The following ZNF682 variants were observed in gnomAD, a reference collection of about 807,000 sequenced individuals.
ZNF682 encodes zinc finger protein 682.
In ZNF682, 29 loss-of-function variants were observed where a neutral mutation model predicts 36.5. The ratio of observed to expected loss-of-function variants is 0.80; its 90% CI spans 0.59 to 1.08. ZNF682 has a LOEUF of 1.08. ZNF682 is among the 50% of genes least tolerant of loss of function. ZNF682 has a pLI of 0.00. For synonymous variants in ZNF682, 180 were observed against 197.0 expected, an observed-to-expected ratio of 0.91 and a Z score of 0.72; for missense variants, 561 against 579.7, an observed-to-expected ratio of 0.97 and a Z score of 0.33.
At chr19:20,024,408 T>G in intron 1 of ZNF682, 32 bp from the exon 2 acceptor site, 1 of 1,594,156 alleles carries the variant, frequency 6.3e-7, no homozygotes, top group Admixed American at 1.8e-5. Context: ...AGTGACCAAC[T>G]GTCAATGGGC....
chr19:20,036,803 TAAAAAAAAAAGAAAAAA>T (rs1395163806), intron 1 of ZNF682, among the ~76,000 whole-genome samples: 6 of 29,540 alleles, frequency 2.0e-4, no homozygotes, highest in East Asian at 7.0e-4. Context: ...GCTGTCTCTA[TAAAAAAAAAAGAAAAAA>T]AAAAAAAAAA....
intron 1 of ZNF682, among the ~76,000 whole-genome samples, chr19:20,024,710 C>T (rs1280453879): frequency 2.0e-5 from 3 of 152,070 alleles, no homozygotes; most frequent in African/African-American, 4.8e-5. Context: ...TGGTGGTGCA[C>T]GCCTGTAATC....
Position 20,005,893 on chromosome 19 carries a change from T to C in ZNF682, c.*112A>G. ...AAGACTTTCCCCACATTCTTCACAT[T>C]TGTAGTGTTTCTCTCCAGTATGAAT... On this transcript the variant is annotated 3_prime_UTR_variant, in exon 4 of 4. Coordinates refer to ENST00000397165, the MANE Select transcript of ZNF682 (RefSeq NM_033196.3). 1 of 1,049,510 alleles carries C rather than the reference T, an allele frequency of 9.5e-7. No individual in the cohort carries two copies. Among genetic ancestry groups the C allele is most frequent in the Non-Finnish European group, 1.4e-6 (1 of 726,044 alleles). 65.0% of individuals were successfully genotyped at this position (1,049,510 alleles called of 1,614,324 possible).
At chr19:19,997,202 T>C in exon 4 of ZNF682, 2 of 398,622 alleles carry the variant, frequency 5.0e-6, no homozygotes, top group Non-Finnish European at 8.8e-6. Flanking sequence ...TCAGCTGGGG[T>C]CATCTCCAGG....
chr19:20,006,821 T>C lies in ZNF682; in HGVS notation c.681A>G (p.Lys227=), dbSNP rs770518366. The stretch of plus-strand genomic sequence containing the variant: ...TGCCACATTCTTCACATTTGTATGG[T>C]TTCTCTCCAGTGTGAATTCTCTTAT... ...TKHKRIHTGE[K]PYKCEECGKA... The change falls in exon 4 of 4, where the codon AAA becomes AAG. Residue 227 remains lysine, a synonymous_variant. Coordinates refer to ENST00000397165, the MANE Select transcript of ZNF682 (RefSeq NM_033196.3). The C allele has an allele frequency of 6.2e-7, 1 of 1,614,066 alleles. No individual in the cohort carries two copies. Among genetic ancestry groups the C allele is most frequent in the African/African-American group, 1.3e-5 (1 of 74,950 alleles).
intron 1 of ZNF682, among the ~76,000 whole-genome samples, chr19:20,024,597 G>A (rs6511067): frequency 0.79 from 119,652 of 152,158 alleles, 47,167 homozygotes; most frequent in Middle Eastern, 0.88. Context: ...CATCATTTTG[G>A]GAGGCCGAGG....
intron 3 of ZNF682, among the ~76,000 whole-genome samples, chr19:20,020,047 T>TA (rs752291651): frequency 8.1e-4 from 5 of 6,194 alleles, no homozygotes; most frequent in East Asian, 6.8e-3. Context: ...CCCCTTCTCT[T>TA]AAAAAAAAAA....
chr19:20,039,060 C>T, intron 1 of ZNF682: 2 of 1,160,618 alleles, frequency 1.7e-6, no homozygotes, highest in Non-Finnish European at 2.3e-6. Flanking sequence ...TTCCATTGTC[C>T]CCGCAGTCGG....
At chr19:20,015,608 A>T (rs539118391) in intron 3 of ZNF682, 1 of 190,040 alleles carries the variant, frequency 5.3e-6, no homozygotes, top group South Asian at 1.8e-4. Flanking sequence ...ACTGATGAAG[A>T]ATTCTTCTAG....
chr19:20,039,467 A>C lies in ZNF682; in HGVS notation c.-122T>G. 3.7e-6 allele frequency: 5 copies of C among 1,351,242 alleles called. No individual in the cohort carries two copies. The highest frequency in any genetic ancestry group is 5.1e-6 in the Non-Finnish European group (5 of 976,608). The allele number at this position is 1,351,242 out of a possible 1,614,324, so 83.7% of individuals were successfully genotyped here. ...CTAGAGCAGAGGATACTAAGCAATG[A>C]AGATGGACCCTGAGCTCTGGCTGGA... On this transcript the variant is annotated 5_prime_UTR_variant, in exon 1 of 4. Transcript: ENST00000397165.
intron 3 of ZNF682, among the ~76,000 whole-genome samples, chr19:20,020,039 C>A (rs1471510188): frequency 9.8e-6 from 1 of 101,892 alleles, no homozygotes. Context: ...CAGTGAGACC[C>A]CTTCTCTTAA....
At chr19:20,024,557 G>A in intron 1 of ZNF682, 181 bp from the exon 2 acceptor site, 1 of 742,330 alleles carries the variant, frequency 1.3e-6, no homozygotes. Context: ...AATCCATGTG[G>A]CCAGGTTCGG....
intron 1 of ZNF682, among the ~76,000 whole-genome samples, chr19:20,034,870 G>A (rs1184355332): frequency 1.3e-5 from 2 of 152,084 alleles, no homozygotes; most frequent in African/African-American, 4.8e-5. Flanking sequence ...GCTGAGGCGG[G>A]CAGATAGCCT....
chr19:20,023,609 A>C (rs1305868716), intron 2 of ZNF682, among the ~76,000 whole-genome samples: 1 of 152,174 alleles, frequency 6.6e-6, no homozygotes, highest in African/African-American at 2.4e-5. Flanking sequence ...TACTTAATCG[A>C]AAATTGGTGG....
At chr19:20,037,663 G>C (rs1294570827) in intron 1 of ZNF682, among the ~76,000 whole-genome samples, 1 of 152,150 alleles carries the variant, frequency 6.6e-6, no homozygotes, top group Non-Finnish European at 1.5e-5. Context: ...GTGCCCCACT[G>C]TGTCCCTTAG....
rs138897997 is a variant in ZNF682, at chr19:20,006,802, A to T, written c.700T>A (p.Cys234Ser). 6.2e-7 allele frequency: 1 copy of T among 1,614,136 alleles called. No homozygotes were observed. The highest frequency in any genetic ancestry group is 8.5e-7 in the Non-Finnish European group (1 of 1,180,024). The change falls in exon 4 of 4, where the codon TGT becomes AGT. Residue 234 changes from cysteine to serine, a missense_variant. By Grantham distance (112) the Cys-to-Ser change is moderately radical. Transcript: ENST00000397165. Reference sequence around the variant, plus strand: ...GAGCACCAGTTAAAAGCTTTGCCACATTCTTCACATTTGTATGGTTTCTCT... The same window carrying T: ...GAGCACCAGTTAAAAGCTTTGCCACTTTCTTCACATTTGTATGGTTTCTCT... ...TGEKPYKCEE[C>S]GKAFNWCSSL...
rs1255523251 is a variant in ZNF682 at position 20,006,187 on chromosome 19, G to C, written c.1315C>G (p.His439Asp). Residue 439 changes from histidine to aspartate, a missense_variant, in exon 4 of 4, where the codon CAC (histidine) becomes GAC (aspartate). Coordinates refer to ENST00000397165, the MANE Select transcript of ZNF682 (RefSeq NM_033196.3). The stretch of plus-strand genomic sequence containing the variant: ...TGAATTTTCTTATGTCTAGTAAGGT[G>C]TGAGCACCGATTAAAGGCTTTTCCA... Reference protein sequence around the residue: ...ECGKAFNRCSHLTRHKKIHTA... With the variant: ...ECGKAFNRCSDLTRHKKIHTA... 6.2e-7 allele frequency: 1 copy of C among 1,613,266 alleles called. No homozygotes were observed. The highest frequency in any genetic ancestry group is 1.1e-5 in the South Asian group (1 of 91,052).
In ZNF682 at chr19:20,023,090, A is replaced by G. The variant is rs1252601447; in HGVS notation, c.140T>C (p.Val47Ala). 2 of 1,613,768 alleles carry G rather than the reference A, an allele frequency of 1.2e-6. No homozygotes were observed. Among genetic ancestry groups the G allele is most frequent in the East Asian group, 4.5e-5 (2 of 44,878 alleles). The change falls in exon 3 of 4, where the codon GTT becomes GCT. Residue 47 changes from valine (V) to alanine (A), a missense_variant. Val to Ala is a moderately conservative substitution (Grantham distance 64). Transcript: ENST00000397165. Reference protein sequence around the residue: ...YRNLVSLGLTVSKPELISRLE... With the variant: ...YRNLVSLGLTASKPELISRLE... ...ACGGCTAATCAGTTCTGGCTTAGAA[A>G]CAGTAAGACCTGTTTTATTAGAAAA...
chr19:20,024,931 C>T (rs572571165), intron 1 of ZNF682, among the ~76,000 whole-genome samples: 3 of 152,198 alleles, frequency 2.0e-5, no homozygotes, highest in African/African-American at 7.2e-5. Flanking sequence ...TTTATGTCTA[C>T]AGATTATAGA....
Sources: allele counts gnomAD v4.1 joint callset (sites outside exome capture counted in the v4.1 genomes callset), GRCh38; gene constraint gnomAD v4.1.1; transcripts MANE v1.5; gene names NCBI Gene and HGNC (gene_info 2026-07-23, HGNC 2026-07-21).